The following AGBL4 variants were observed in gnomAD, a reference collection of about 807,000 sequenced individuals.
AGBL4 encodes the protein cytosolic carboxypeptidase 6.
Under a neutral mutation model 66.4 loss-of-function variants are expected in AGBL4, and 58 were observed. That is an observed-to-expected ratio of 0.87 (90% CI 0.71 to 1.09). AGBL4 has a LOEUF of 1.09. Among genes scored for constraint, AGBL4 ranks in the 50% least tolerant of loss-of-function variants. The pLI, the probability that AGBL4 is intolerant of heterozygous loss-of-function variation, is 0.00. For synonymous variants in AGBL4, 234 were observed against 222.9 expected (o/e 1.05, Z -0.44); for missense variants, 579 against 631.0 (o/e 0.92, Z 0.88).
chr1:49,748,683 T>G (rs1183311575), intron 2 of AGBL4, among the ~76,000 whole-genome samples: 2 of 152,224 alleles, frequency 1.3e-5, no homozygotes, highest in African/African-American at 2.4e-5. Context: ...TTTCCTGACT[T>G]TTTAATGATC....
At chr1:48,972,364 G>A (rs79943471) in intron 5 of AGBL4, among the ~76,000 whole-genome samples, 1,956 of 152,246 alleles carry the variant, frequency 0.013, 49 homozygotes, top group African/African-American at 0.044. Flanking sequence ...TGAGGACTCA[G>A]ACATGATCCT....
At chr1:49,683,406 T>C (rs1646732756) in intron 3 of AGBL4, among the ~76,000 whole-genome samples, 1 of 152,198 alleles carries the variant, frequency 6.6e-6, no homozygotes, top group South Asian at 2.1e-4. Flanking sequence ...TAATAGTAGC[T>C]AACAGCCACA....
chr1:49,498,550 A>G (rs1647827644), intron 3 of AGBL4, among the ~76,000 whole-genome samples: 1 of 151,690 alleles, frequency 6.6e-6, no homozygotes, highest in Non-Finnish European at 1.5e-5. Context: ...GTGTATATAT[A>G]CTACAGAGTT....
intron 3 of AGBL4, among the ~76,000 whole-genome samples, chr1:49,443,134 T>C (rs1360078337): frequency 6.6e-6 from 1 of 152,156 alleles, no homozygotes; most frequent in African/African-American, 2.4e-5. Context: ...TTTACTTTTT[T>C]CCTGTTGAAT....
At chr1:48,875,180 T>C (rs904117148) in intron 5 of AGBL4, among the ~76,000 whole-genome samples, 1 of 152,124 alleles carries the variant, frequency 6.6e-6, no homozygotes, top group Non-Finnish European at 1.5e-5. Context: ...TTTATTTTAA[T>C]TGTGGTAAGT....
chr1:49,907,660 G>A (rs1474843402), intron 1 of AGBL4, among the ~76,000 whole-genome samples: 1 of 152,144 alleles, frequency 6.6e-6, no homozygotes, highest in African/African-American at 2.4e-5. Flanking sequence ...GGGGCTAGAG[G>A]TTGAGAGACA....
intron 1 of AGBL4, among the ~76,000 whole-genome samples, chr1:49,997,267 A>T (rs2148413202): frequency 6.6e-6 from 1 of 152,284 alleles, no homozygotes; most frequent in East Asian, 1.9e-4. Context: ...GAATGGCAGA[A>T]TGGGTAAGAA....
intron 4 of AGBL4, among the ~76,000 whole-genome samples, chr1:49,081,347 C>T (rs1356523105): frequency 6.6e-6 from 1 of 152,162 alleles, no homozygotes; most frequent in South Asian, 2.1e-4. Context: ...CTAGCTGTTT[C>T]ATTTTGCAGT....
intron 1 of AGBL4, among the ~76,000 whole-genome samples, chr1:49,852,649 G>A (rs1165933032): frequency 6.6e-6 from 1 of 151,952 alleles, no homozygotes; most frequent in East Asian, 1.9e-4. Flanking sequence ...AGAGGAAGAG[G>A]AACAATAAAA....
At chr1:49,235,677 AG>A (rs1183989099) in intron 4 of AGBL4, among the ~76,000 whole-genome samples, 1 of 152,324 alleles carries the variant, frequency 6.6e-6, no homozygotes, top group Non-Finnish European at 1.5e-5. Flanking sequence ...ATCACTTATA[AG>A]GGGAGCAGAA....
At chr1:48,721,847 A>G (rs1647155916) in intron 6 of AGBL4, among the ~76,000 whole-genome samples, 1 of 152,192 alleles carries the variant, frequency 6.6e-6, no homozygotes, top group Non-Finnish European at 1.5e-5. Flanking sequence ...ATTGGGCCCC[A>G]GTCTCCTAAT....
Position 49,834,154 on chromosome 1 carries a change from A to C in AGBL4, c.157+17242T>G, listed in dbSNP as rs1645779935. Among the ~76,000 whole-genome samples, 3 of 152,338 alleles carry C rather than the reference A, an allele frequency of 2.0e-5. No homozygotes were observed. The South Asian group carries it at 6.2e-4, about 32-fold the overall frequency. Reference sequence around the variant, plus strand: ...TATCGTTTGGAATAGTTTCAGAAGGAATGGTACCAGCTACTCTTTGTACCT... The same window carrying C: ...TATCGTTTGGAATAGTTTCAGAAGGCATGGTACCAGCTACTCTTTGTACCT... On this transcript the variant is annotated intron_variant, in intron 2 of 13. Coordinates refer to ENST00000371839, the MANE Select transcript of AGBL4 (RefSeq NM_032785.4).
intron 3 of AGBL4, among the ~76,000 whole-genome samples, chr1:49,314,265 G>T (rs1487556998): frequency 6.6e-6 from 1 of 151,986 alleles, no homozygotes; most frequent in Non-Finnish European, 1.5e-5. Flanking sequence ...TAGGTGCTGG[G>T]ATTCATGTGC....
chr1:48,786,568 A>G (rs1230799315), intron 6 of AGBL4, among the ~76,000 whole-genome samples: 1 of 152,238 alleles, frequency 6.6e-6, no homozygotes, highest in Non-Finnish European at 1.5e-5. Flanking sequence ...AGTATCTACC[A>G]TTCCAATCAT....
intron 3 of AGBL4, among the ~76,000 whole-genome samples, chr1:49,634,016 A>C (rs917033413): frequency 1.3e-5 from 2 of 151,540 alleles, no homozygotes; most frequent in Non-Finnish European, 2.9e-5. Context: ...ACTATCAATA[A>C]TTTAAAATTA....
chr1:49,269,010 A>G (rs1643993634), intron 3 of AGBL4: 1 of 152,206 alleles, frequency 6.6e-6, no homozygotes, highest in Non-Finnish European at 1.5e-5. Context: ...AGCAGCTTTA[A>G]GCCAAGACCT....
chr1:48,677,797 G>T (rs1646390333), intron 6 of AGBL4, among the ~76,000 whole-genome samples: 1 of 152,222 alleles, frequency 6.6e-6, no homozygotes, highest in Admixed American at 6.5e-5. Flanking sequence ...CAGACACACA[G>T]GGACCACAGT....
chr1:49,496,585 A>T (rs1254021058), intron 3 of AGBL4, among the ~76,000 whole-genome samples: 1 of 140,066 alleles, frequency 7.1e-6, no homozygotes, highest in African/African-American at 2.6e-5. Flanking sequence ...TATGAGTTGA[A>T]TTTTTTTTAG....
At chr1:48,941,435 GAACAC>G (rs746596560) in intron 5 of AGBL4, among the ~76,000 whole-genome samples, 26 of 152,160 alleles carry the variant, frequency 1.7e-4, no homozygotes, top group Non-Finnish European at 3.1e-4. Context: ...TAATGGCAAT[GAACAC>G]AACACTCAAA....
Sources: allele counts gnomAD v4.1 joint callset (sites outside exome capture counted in the v4.1 genomes callset), GRCh38; gene constraint gnomAD v4.1.1; transcripts MANE v1.5; gene names NCBI Gene and HGNC (gene_info 2026-07-23, HGNC 2026-07-21).